Variants in CCNJL observed in about 807,000 individuals in gnomAD.
CCNJL encodes the protein cyclin-J-like protein.
Under a neutral mutation model 33.4 loss-of-function variants are expected in CCNJL, and 33 were observed. The ratio of observed to expected loss-of-function variants is 0.99; its 90% confidence interval spans 0.75 to 1.32. CCNJL has a LOEUF of 1.32. Ranked by LOEUF, CCNJL falls within the 40% of genes most tolerant of loss-of-function variation. CCNJL has a pLI of 0.00. For synonymous variants in CCNJL, 227 were observed against 220.9 expected (o/e 1.03, Z -0.24); for missense variants, 512 against 499.7 (o/e 1.02, Z -0.23).
intron 2 of CCNJL, among the ~76,000 whole-genome samples, chr5:160,282,418 T>C (rs1580981937): frequency 6.6e-6 from 1 of 152,304 alleles, no homozygotes; most frequent in Middle Eastern, 3.4e-3. Context: ...TTCTTAGATA[T>C]GACACTAAAA....
At chr5:160,286,592 T>C (rs1762413878) in intron 2 of CCNJL, among the ~76,000 whole-genome samples, 1 of 151,978 alleles carries the variant, frequency 6.6e-6, no homozygotes. Context: ...GAGCCAATAT[T>C]GTACCACTGC....
chr5:160,268,597 C>G (rs1479456906), intron 3 of CCNJL, among the ~76,000 whole-genome samples: 1 of 152,134 alleles, frequency 6.6e-6, no homozygotes, highest in Non-Finnish European at 1.5e-5. Context: ...CAAGAAAACC[C>G]TTCATCTGTA....
In CCNJL at chr5:160,249,261, C is replaced by T. The variant is rs905111073; in HGVS notation, c.*4117G>A. 2 of 152,020 alleles carry T rather than the reference C, an allele frequency of 1.3e-5. No individual in the cohort carries two copies. Among genetic ancestry groups the T allele is most frequent in the African/African-American group, 4.8e-5 (2 of 41,382 alleles). 9.4% of individuals were successfully genotyped at this position (152,020 alleles called of 1,614,324 possible). A position where few individuals can be genotyped will look rare whatever the true frequency, so the allele number is the denominator to read the frequency against. ...TGGAATAGGTCTGTTTCTATATGCA[C>T]ATGTAACCCAAATGTCAAATATAAA... On this transcript the variant is annotated 3_prime_UTR_variant, in exon 6 of 6. Coordinates refer to ENST00000257536, the MANE Select transcript of CCNJL (RefSeq NM_001308173.3).
Position 160,253,676 on chromosome 5 carries a change from C to T in CCNJL, c.866G>A (p.Gly289Asp). The change falls in exon 6 of 6, where the codon GGC (glycine) becomes GAC (aspartate). Residue 289 changes from glycine to aspartate, a missense_variant. Gly to Asp is a moderately conservative substitution (Grantham distance 94). Transcript: ENST00000257536. ...CTGTGCCAGGGTGGTCGCTGGCTGG[C>T]CGAGGGCCGGGTAGGCTGGTGGCTG... is the stretch of plus-strand genomic sequence containing the variant. ...LFQPPAYPAL[G>D]QPATTLAQFQ... 1.9e-6 allele frequency: 3 copies of T among 1,608,202 alleles called. No homozygotes were observed. The highest frequency in any genetic ancestry group is 1.1e-5 in the South Asian group (1 of 90,622).
At chr5:160,320,875 T>TTCTTTCTC (rs1763441758) in intron 1 of CCNJL, among the ~76,000 whole-genome samples, 1 of 144,474 alleles carries the variant, frequency 6.9e-6, no homozygotes, top group Non-Finnish European at 1.5e-5. Flanking sequence ...CTTTCTCTCT[T>TTCTTTCTC]TCTTTCTTTT....
At chr5:160,272,279 G>A (rs1028135812) in intron 3 of CCNJL, among the ~76,000 whole-genome samples, 1 of 152,192 alleles carries the variant, frequency 6.6e-6, no homozygotes, top group African/African-American at 2.4e-5. Flanking sequence ...ATCAAAGCAG[G>A]GGTGAGTGGG....
At chr5:160,282,974 T>TATATAC (rs1554120720) in intron 2 of CCNJL, among the ~76,000 whole-genome samples, 6 of 45,954 alleles carry the variant, frequency 1.3e-4, no homozygotes, top group East Asian at 2.3e-3. Context: ...GGAATATATA[T>TATATAC]ATATATATAT....
At position 160,253,172 on chromosome 5, in the gene CCNJL, C is replaced by T. The variant is rs553475933; in HGVS notation, c.*206G>A. 34 of 477,524 alleles carry T rather than the reference C, an allele frequency of 7.1e-5. No homozygotes were observed. The highest frequency in any genetic ancestry group is 1.1e-4 in the Non-Finnish European group (30 of 275,578). The allele number at this position is 477,524 out of a possible 1,614,324, so 29.6% of individuals were successfully genotyped here. On this transcript the variant is annotated 3_prime_UTR_variant, in exon 6 of 6. Coordinates refer to ENST00000257536, the MANE Select transcript of CCNJL (RefSeq NM_001308173.3). ...TTGTACCCTAGCCACACGTGGCAGA[C>T]GTTTCTCAGAGGAATGCTCTCGGGT...
chr5:160,312,947 T>C (rs1189169669), upstream of CCNJL: 2 of 148,558 alleles, frequency 1.3e-5, no homozygotes, highest in African/African-American at 2.5e-5. Context: ...TTTTTTTTTT[T>C]CCTGTTTTTG....
chr5:160,297,116 T>C lies in CCNJL; in HGVS notation c.66+14742A>G, dbSNP rs1046175417. 2.0e-5 allele frequency among the ~76,000 whole-genome samples: 3 copies of C among 152,226 alleles called. 1 individual carries two copies. In the East Asian group the frequency reaches 5.8e-4, roughly 29 times the overall value. On this transcript the variant is annotated intron_variant, in intron 2 of 5. Coordinates refer to ENST00000257536, the MANE Select transcript of CCNJL (RefSeq NM_001308173.3). ...ACTATCATTACTAACATTAAATGGC[T>C]ATTATGGCCATTAACATATGGCTAT...
intron 2 of CCNJL, among the ~76,000 whole-genome samples, chr5:160,299,205 A>G (rs1470616825): frequency 6.6e-6 from 1 of 152,100 alleles, no homozygotes; most frequent in Non-Finnish European, 1.5e-5. Flanking sequence ...GCTGGAGCAC[A>G]ATGGCGTGAC....
rs1760762718 is a variant in CCNJL, at chr5:160,249,891, C to G, written c.*3487G>C. On this transcript the variant is annotated 3_prime_UTR_variant, in exon 6 of 6. Coordinates refer to ENST00000257536, the MANE Select transcript of CCNJL (RefSeq NM_001308173.3). ...AAAAAACAAACAAAGAAATCATATG[C>G]CTGAATGACCAAGAAGCTGGCTAAA... is the stretch of plus-strand genomic sequence containing the variant. 2 of 151,712 alleles carry G rather than the reference C, an allele frequency of 1.3e-5. No homozygotes were observed. Among genetic ancestry groups the G allele is most frequent in the African/African-American group, 4.8e-5 (2 of 41,286 alleles). 9.4% of individuals were successfully genotyped at this position (151,712 alleles called of 1,614,324 possible).
At chr5:160,328,886 A>T (rs1474895758) in intron 1 of CCNJL, among the ~76,000 whole-genome samples, 1 of 151,990 alleles carries the variant, frequency 6.6e-6, no homozygotes, top group East Asian at 1.9e-4. Flanking sequence ...TCTCAAAAAA[A>T]AAAAGAAAAA....
intron 1 of CCNJL, among the ~76,000 whole-genome samples, chr5:160,328,080 G>T (rs1031161567): frequency 6.6e-6 from 1 of 152,182 alleles, no homozygotes; most frequent in Non-Finnish European, 1.5e-5. Flanking sequence ...AGAGGCTCAC[G>T]CAGGAGTGCG....
intron 1 of CCNJL, among the ~76,000 whole-genome samples, chr5:160,319,679 C>A (rs1264985931): frequency 6.6e-6 from 1 of 152,124 alleles, no homozygotes; most frequent in Non-Finnish European, 1.5e-5. Context: ...GTCTGGAATC[C>A]CAGTACGTTG....
chr5:160,322,734 C>A lies in CCNJL; in HGVS notation n.207-7229G>T, dbSNP rs182163337. Reference sequence around the variant, plus strand: ...CAGCCTGGCCAATATGGTGAAACCCCATCTCTACTAAAGCTACAAAAATTA... The same window carrying A: ...CAGCCTGGCCAATATGGTGAAACCCAATCTCTACTAAAGCTACAAAAATTA... On this transcript the variant is annotated intron_variant and non_coding_transcript_variant, in intron 1 of 7. Transcript: ENST00000377503. 6.3e-3 allele frequency among the ~76,000 whole-genome samples: 945 copies of A among 149,588 alleles called. 11 individuals are homozygous for A. Among genetic ancestry groups the A allele is most frequent in the African/African-American group, 0.022 (902 of 40,614 alleles).
At chr5:160,278,767 A>G (rs2113343164) in intron 3 of CCNJL, among the ~76,000 whole-genome samples, 1 of 152,354 alleles carries the variant, frequency 6.6e-6, no homozygotes, top group South Asian at 2.1e-4. Flanking sequence ...GCCGCGATGC[A>G]GCCCACAGAT....
At chr5:160,314,414 G>A (rs1166793825), upstream of CCNJL, among the ~76,000 whole-genome samples, 1 of 152,062 alleles carries the variant, frequency 6.6e-6, no homozygotes, top group Non-Finnish European at 1.5e-5. Context: ...TAGGTTGGGG[G>A]AAAAAAGTAA....
intron 2 of CCNJL, among the ~76,000 whole-genome samples, chr5:160,304,874 C>T (rs946370649): frequency 2.6e-5 from 4 of 150,952 alleles, no homozygotes; most frequent in Admixed American, 2.0e-4. Context: ...AATGCAATGG[C>T]GTGATCTCAG....
Sources: allele counts gnomAD v4.1 joint callset (sites outside exome capture counted in the v4.1 genomes callset), GRCh38; gene constraint gnomAD v4.1.1; transcripts MANE v1.5; gene names NCBI Gene and HGNC (gene_info 2026-07-23, HGNC 2026-07-21).